Variants in UNC5D observed in about 807,000 individuals in gnomAD.
UNC5D encodes unc-5 netrin receptor D, also known as netrin receptor UNC5D.
UNC5D carries 39 observed loss-of-function variants against 105.4 expected under a neutral mutation model. The observed-to-expected ratio is 0.37, with a 90% confidence interval of 0.29 to 0.48. The LOEUF is 0.48. Ranked by LOEUF, UNC5D falls within the 20% of genes least tolerant of loss-of-function variation. UNC5D has a pLI of 0.98. For missense variants in UNC5D, 991 were observed against 1,202.4 expected (o/e 0.82, Z 2.60); for synonymous variants, 452 against 450.4 (o/e 1.00, Z -0.04).
At chr8:35,393,463 T>C (rs1044480633) in intron 1 of UNC5D, among the ~76,000 whole-genome samples, 1 of 151,576 alleles carries the variant, frequency 6.6e-6, no homozygotes, top group Non-Finnish European at 1.5e-5. Context: ...TTTTAATGTC[T>C]CCCTTTTCAC....
At chr8:35,739,428 C>A (rs1309655044) in intron 11 of UNC5D, among the ~76,000 whole-genome samples, 1 of 152,136 alleles carries the variant, frequency 6.6e-6, no homozygotes, top group Non-Finnish European at 1.5e-5. Flanking sequence ...TTCCTCTCCA[C>A]CTCAAACCCC....
At chr8:35,594,834 C>T (rs1819388738) in intron 3 of UNC5D, among the ~76,000 whole-genome samples, 1 of 152,192 alleles carries the variant, frequency 6.6e-6, no homozygotes, top group South Asian at 2.1e-4. Flanking sequence ...TCTGTGACCA[C>T]TGGCAAGCGA....
At chr8:35,385,462 C>CTTTT (rs33929902) in intron 1 of UNC5D, among the ~76,000 whole-genome samples, 2 of 84,634 alleles carry the variant, frequency 2.4e-5, no homozygotes, top group African/African-American at 4.2e-5. Context: ...CTACCTACCT[C>CTTTT]TTTTTTTTTT....
chr8:35,593,185 C>G (rs1235391335), intron 3 of UNC5D, among the ~76,000 whole-genome samples: 1 of 152,100 alleles, frequency 6.6e-6, no homozygotes, highest in African/African-American at 2.4e-5. Flanking sequence ...AATGACATTT[C>G]TCCAGTTGTC....
intron 1 of UNC5D, among the ~76,000 whole-genome samples, chr8:35,477,691 G>A (rs527421609): frequency 3.8e-4 from 58 of 152,072 alleles, no homozygotes; most frequent in African/African-American, 1.1e-3. Flanking sequence ...CTAGAGTCTC[G>A]TGGCCCCTGA....
rs539077276 is a variant in UNC5D, at chr8:35,275,086, G to A, written c.103+39199G>A. ...GGCCTGGGTGACAGAGCAAGACAACGTCTCAAAAAAAGAAAACAAAACAAC... is the reference window on the plus strand; with the variant it reads ...GGCCTGGGTGACAGAGCAAGACAACATCTCAAAAAAAGAAAACAAAACAAC... On this transcript the variant is annotated intron_variant, in intron 1 of 16. Coordinates refer to ENST00000404895, the MANE Select transcript of UNC5D (RefSeq NM_080872.4). Among the ~76,000 whole-genome samples, 60 of 150,578 alleles carry A rather than the reference G, an allele frequency of 4.0e-4. No homozygotes were observed. The South Asian group carries it at 0.011, about 27-fold the overall frequency.
chr8:35,271,688 C>CATAT (rs1458442584), intron 1 of UNC5D, among the ~76,000 whole-genome samples: 1 of 9,376 alleles, frequency 1.1e-4, no homozygotes, highest in African/African-American at 1.7e-4. Context: ...TATATGTATA[C>CATAT]ATGTATACAT....
intron 1 of UNC5D, among the ~76,000 whole-genome samples, chr8:35,250,964 C>T (rs1041503978): frequency 6.4e-4 from 97 of 152,074 alleles, no homozygotes; most frequent in African/African-American, 2.2e-3. Flanking sequence ...ATAATGAGAG[C>T]CATGGATTTA....
chr8:35,327,649 G>A (rs1810275145), intron 1 of UNC5D, among the ~76,000 whole-genome samples: 1 of 152,158 alleles, frequency 6.6e-6, no homozygotes, highest in Admixed American at 6.5e-5. Context: ...GATCTGGAAA[G>A]TTGATCCCTA....
chr8:35,408,674 G>A (rs1242915779), intron 1 of UNC5D, among the ~76,000 whole-genome samples: 1 of 151,394 alleles, frequency 6.6e-6, no homozygotes, highest in Non-Finnish European at 1.5e-5. Flanking sequence ...ATTGTTGAAT[G>A]CCTTAATGCT....
chr8:35,313,871 G>A (rs1469520437), intron 1 of UNC5D, among the ~76,000 whole-genome samples: 2 of 152,278 alleles, frequency 1.3e-5, no homozygotes, highest in African/African-American at 4.8e-5. Context: ...CACATGGTAA[G>A]TGCTCCATAA....
chr8:35,583,485 C>T (rs1455089433), intron 3 of UNC5D, among the ~76,000 whole-genome samples: 1 of 152,046 alleles, frequency 6.6e-6, no homozygotes, highest in African/African-American at 2.4e-5. Context: ...AGGCTCTGAT[C>T]TTTTGTTTTT....
chr8:35,632,597 G>T (rs1046617239), intron 4 of UNC5D, among the ~76,000 whole-genome samples: 1 of 152,212 alleles, frequency 6.6e-6, no homozygotes, highest in Non-Finnish European at 1.5e-5. Flanking sequence ...GGTAAGAGGA[G>T]AAATTGGATT....
At chr8:35,281,089 C>T (rs372105775) in intron 1 of UNC5D, among the ~76,000 whole-genome samples, 4 of 152,294 alleles carry the variant, frequency 2.6e-5, no homozygotes, top group African/African-American at 4.8e-5. Flanking sequence ...ACCAGGCCTT[C>T]GCTGTGCCTC....
At chr8:35,682,758 C>A (rs1412037080) in intron 4 of UNC5D, among the ~76,000 whole-genome samples, 2 of 152,082 alleles carry the variant, frequency 1.3e-5, no homozygotes, top group Admixed American at 6.5e-5. Flanking sequence ...GAAGTTTGGA[C>A]CAAGGATAGG....
intron 1 of UNC5D, among the ~76,000 whole-genome samples, chr8:35,305,578 T>TC (rs1225412928): frequency 0.02 from 15 of 732 alleles, no homozygotes; most frequent in African/African-American, 0.031. Flanking sequence ...TTTCTTTCTT[T>TC]TTCTTTCTTT....
At chr8:35,432,287 A>G (rs1166085006) in intron 1 of UNC5D, among the ~76,000 whole-genome samples, 3 of 152,160 alleles carry the variant, frequency 2.0e-5, no homozygotes, top group South Asian at 2.1e-4. Context: ...TGTTATTATT[A>G]CCCCATCCTG....
chr8:35,607,294 A>G (rs186618948), intron 4 of UNC5D, among the ~76,000 whole-genome samples: 42 of 152,278 alleles, frequency 2.8e-4, no homozygotes, highest in African/African-American at 9.9e-4. Context: ...CACTTCCTAT[A>G]TTAGTTTCCC....
intron 1 of UNC5D, among the ~76,000 whole-genome samples, chr8:35,294,648 G>T (rs570170613): frequency 6.6e-6 from 1 of 150,958 alleles, no homozygotes; most frequent in East Asian, 1.9e-4. Flanking sequence ...CAGTGTTGTC[G>T]CACCTATTGG....
Sources: gnomAD v4.1 joint callset for allele counts (sites outside exome capture counted in the v4.1 genomes callset) on GRCh38, gnomAD v4.1.1 for gene constraint, MANE v1.5 for transcripts, NCBI Gene and HGNC (gene_info 2026-07-23, HGNC 2026-07-21) for gene names.